Variants in TMEM120B observed in about 807,000 individuals in gnomAD.
TMEM120B encodes transmembrane protein 120B.
A neutral mutation model predicts 55.5 loss-of-function variants in TMEM120B; 31 were observed. That is an observed-to-expected ratio of 0.56 (90% CI 0.42 to 0.75). The LOEUF (loss-of-function observed/expected upper bound fraction) is 0.75. Among genes scored for constraint, TMEM120B ranks in the 30% least tolerant of loss-of-function variants. The probability of loss-of-function intolerance (pLI) is 0.00; values close to 1 mark genes in which losing one functional copy is unlikely to be tolerated. For missense variants in TMEM120B, 399 were observed against 425.5 expected (o/e 0.94, Z 0.55); for synonymous variants, 203 against 176.3 (o/e 1.15, Z -1.20).
rs745579126 is a variant in TMEM120B, at chr12:121,779,711, C to A, written c.*3989C>A. On this transcript the variant is annotated 3_prime_UTR_variant, in exon 12 of 12. Transcript: ENST00000449592. The stretch of plus-strand genomic sequence containing the variant: ...TTAGGTGAGGGGCCCCTGGAGGTCT[C>A]CTAGCACCACCTGGTGGGTTTGGGA... The A allele has an allele frequency of 5.0e-6, 8 of 1,598,190 alleles. No individual in the cohort carries two copies. Among genetic ancestry groups the A allele is most frequent in the Non-Finnish European group, 6.8e-6 (8 of 1,169,836 alleles).
intron 5 of TMEM120B, among the ~76,000 whole-genome samples, chr12:121,752,480 C>T (rs975185685): frequency 2.0e-5 from 3 of 152,110 alleles, no homozygotes; most frequent in South Asian, 2.1e-4. Flanking sequence ...TTACCTGGCG[C>T]GGTGGCTCAC....
chr12:121,767,817 G>C (rs1873898026), intron 6 of TMEM120B, among the ~76,000 whole-genome samples: 1 of 152,188 alleles, frequency 6.6e-6, no homozygotes, highest in African/African-American at 2.4e-5. Flanking sequence ...TCAGAGCTGG[G>C]CTCTGGGCAC....
chr12:121,719,075 T>C (rs1894749832), intron 1 of TMEM120B, among the ~76,000 whole-genome samples: 1 of 152,058 alleles, frequency 6.6e-6, no homozygotes, highest in African/African-American at 2.4e-5. Flanking sequence ...TGGCCCAGCT[T>C]GGGTCATGTG....
chr12:121,761,883 G>T, intron 6 of TMEM120B, 145 bp downstream of exon 6: 1 of 624,082 alleles, frequency 1.6e-6, no homozygotes, highest in Non-Finnish European at 2.9e-6. Context: ...CCAGGAAGGA[G>T]GAAAGCTGAT....
At chr12:121,761,344 G>C (rs1873670092) in intron 5 of TMEM120B, among the ~76,000 whole-genome samples, 1 of 152,176 alleles carries the variant, frequency 6.6e-6, no homozygotes, top group South Asian at 2.1e-4. Context: ...CATGGGAAGA[G>C]TTTAGAAGAC....
intron 1 of TMEM120B, among the ~76,000 whole-genome samples, chr12:121,719,102 C>A (rs183667048): frequency 6.6e-6 from 1 of 152,290 alleles, no homozygotes; most frequent in East Asian, 1.9e-4. Context: ...CCTTACTTAA[C>A]CAGTCACTGT....
intron 1 of TMEM120B, among the ~76,000 whole-genome samples, chr12:121,729,778 G>A (rs1894961345): frequency 6.6e-6 from 1 of 152,080 alleles, no homozygotes; most frequent in Non-Finnish European, 1.5e-5. Flanking sequence ...CAGCCTGGGC[G>A]ACAGAGAGCG....
chr12:121,773,813 A>G (rs1162320265), intron 9 of TMEM120B, among the ~76,000 whole-genome samples: 2 of 151,832 alleles, frequency 1.3e-5, no homozygotes, highest in Admixed American at 1.3e-4. Flanking sequence ...TCTACATACC[A>G]ACACGTATAA....
intron 1 of TMEM120B, among the ~76,000 whole-genome samples, chr12:121,724,287 A>G (rs562002422): frequency 1.3e-5 from 2 of 152,088 alleles, no homozygotes; most frequent in East Asian, 3.9e-4. Flanking sequence ...CGCCCGCCTC[A>G]GCCTCTCAAA....
intron 1 of TMEM120B, among the ~76,000 whole-genome samples, chr12:121,714,586 A>G (rs1894662602): frequency 1.0e-5 from 1 of 99,162 alleles, no homozygotes; most frequent in African/African-American, 4.2e-5. Context: ...TTTTTGAGAT[A>G]GAGTCTTGCT....
chr12:121,750,643 G>T (rs1414919212), intron 4 of TMEM120B, among the ~76,000 whole-genome samples: 1 of 51,826 alleles, frequency 1.9e-5, no homozygotes, highest in Non-Finnish European at 3.8e-5. Context: ...ACCCCACACT[G>T]CGAACCCACA....
At chr12:121,750,827 C>T (rs549761941) in intron 4 of TMEM120B, among the ~76,000 whole-genome samples, 2 of 127,034 alleles carry the variant, frequency 1.6e-5, no homozygotes, top group South Asian at 2.8e-4. Flanking sequence ...CCCACACCAA[C>T]ACCACACACC....
chr12:121,713,780 TG>T (rs1894644911), intron 1 of TMEM120B, among the ~76,000 whole-genome samples: 1 of 152,098 alleles, frequency 6.6e-6, no homozygotes, highest in South Asian at 2.1e-4. Context: ...CAGGAAACCT[TG>T]GGGTTGACCA....
At chr12:121,773,108 G>T (rs1874115642) in intron 8 of TMEM120B, among the ~76,000 whole-genome samples, 1 of 152,216 alleles carries the variant, frequency 6.6e-6, no homozygotes, top group African/African-American at 2.4e-5. Flanking sequence ...CACTGGCATA[G>T]CTTGCATTCC....
chr12:121,779,825 G>GT lies in TMEM120B; in HGVS notation c.*4103_*4104insT, dbSNP rs551200882. ...GGCTGCCCCTCACAGTGTGTGGGTG[G>GT]AATGGAGGGCCAGGGCAGTGCAGCC... On this transcript the variant is annotated 3_prime_UTR_variant, in exon 12 of 12. Coordinates refer to ENST00000449592, the MANE Select transcript of TMEM120B (RefSeq NM_001080825.2). 575 of 723,874 alleles carry GT rather than the reference G, an allele frequency of 7.9e-4. 4 individuals carry two copies. The African/African-American group carries it at 9.0e-3, about 11-fold the overall frequency. The allele number at this position is 723,874 out of a possible 1,614,324, so 44.8% of individuals were successfully genotyped here.
Position 121,779,415 on chromosome 12 carries a change from G to T in TMEM120B, c.*3693G>T. 2 of 1,462,906 alleles carry T rather than the reference G, an allele frequency of 1.4e-6. No homozygotes were observed. Among genetic ancestry groups the T allele is most frequent in the East Asian group, 2.3e-5 (1 of 43,548 alleles). 90.6% of individuals were successfully genotyped at this position (1,462,906 alleles called of 1,614,324 possible). A position where few individuals can be genotyped will look rare whatever the true frequency, so the allele number is the denominator to read the frequency against. ...CCCAGACACCATGAGCTGGAGGGTC[G>T]GGATGGGGCAGCCTCCCTGGTGCAA... is the stretch of plus-strand genomic sequence containing the variant. On this transcript the variant is annotated 3_prime_UTR_variant, in exon 12 of 12. Coordinates refer to ENST00000449592, the MANE Select transcript of TMEM120B (RefSeq NM_001080825.2).
rs199644034 is a variant in TMEM120B, at chr12:121,748,418, A to C, written c.281A>C (p.Glu94Ala). The C allele has an allele frequency of 5.4e-4, 869 of 1,609,638 alleles. 8 individuals are homozygous for C. In the Admixed American group the frequency reaches 0.013, roughly 24 times the overall value. ...CGGCAGGACGTCTTCTTCGACATGG[A>C]GGCCTACCTGCCCAAGAAGAACGGG... ...KERQDVFFDM[E>A]AYLPKKNGLY... The change falls in exon 3 of 12, where the codon GAG (glutamate) becomes GCG (alanine). Residue 94 changes from glutamate to alanine, a missense_variant. Physicochemically the swap from Glu to Ala is moderately radical, Grantham distance 107. Coordinates refer to ENST00000449592, the MANE Select transcript of TMEM120B (RefSeq NM_001080825.2).
intron 6 of TMEM120B, among the ~76,000 whole-genome samples, chr12:121,766,798 T>A (rs532017734): frequency 6.6e-6 from 1 of 152,224 alleles, no homozygotes; most frequent in Non-Finnish European, 1.5e-5. Flanking sequence ...AGCCGATGTC[T>A]ATTACAGTTA....
At chr12:121,719,728 CTTG>C (rs1894761449) in intron 1 of TMEM120B, among the ~76,000 whole-genome samples, 1 of 151,870 alleles carries the variant, frequency 6.6e-6, no homozygotes, top group African/African-American at 2.4e-5. Flanking sequence ...GAGTTTTGCT[CTTG>C]TTGTCCAGGC....
Sources: gnomAD v4.1 joint callset for allele counts (sites outside exome capture counted in the v4.1 genomes callset) on GRCh38, gnomAD v4.1.1 for gene constraint, MANE v1.5 for transcripts, NCBI Gene and HGNC (gene_info 2026-07-23, HGNC 2026-07-21) for gene names.